TYW5: variants seen among roughly 807,000 people sequenced by gnomAD.
The protein encoded by TYW5 is tRNA-yW synthesizing protein 5, also known as tRNA wybutosine-synthesizing protein 5.
Under a neutral mutation model 44.4 loss-of-function variants are expected in TYW5, and 36 were observed. The observed-to-expected ratio is 0.81, with a 90% confidence interval of 0.62 to 1.07. The LOEUF (loss-of-function observed/expected upper bound fraction) is 1.07. TYW5 is among the 50% of genes least tolerant of loss of function. TYW5 has a pLI of 0.00. For synonymous variants in TYW5, 121 were observed against 128.1 expected, an observed-to-expected ratio of 0.94 and a Z score of 0.37; for missense variants, 354 against 365.7, an observed-to-expected ratio of 0.97 and a Z score of 0.26.
chr2:199,953,237 C>G (rs1037642498), intron 1 of TYW5, among the ~76,000 whole-genome samples: 1 of 151,996 alleles, frequency 6.6e-6, no homozygotes, highest in African/African-American at 2.4e-5. Flanking sequence ...GCAGGAGAAT[C>G]GCTTGAACCC....
chr2:199,951,754 C>G (rs561964222), intron 1 of TYW5, among the ~76,000 whole-genome samples: 1 of 151,962 alleles, frequency 6.6e-6, no homozygotes. Context: ...CAGTGGCTCA[C>G]GCTTGTAATC....
rs2077589668 is a variant in TYW5 at position 199,955,404 on chromosome 2, G to A, written c.67C>T (p.Leu23Phe). The change falls in exon 1 of 8, where the codon CTC (leucine) becomes TTC (phenylalanine). Residue 23 changes from leucine to phenylalanine, a missense_variant. Transcript: ENST00000354611. ...GVSREQFMQH[L>F]YPQRKPLVLE... Reference sequence around the variant, plus strand: ...CGCGAGGGCCTCACCTGTGGGTAGAGGTGCTGCATGAACTGCTCCCGAGAA... The same window carrying A: ...CGCGAGGGCCTCACCTGTGGGTAGAAGTGCTGCATGAACTGCTCCCGAGAA... 2.5e-6 allele frequency: 4 copies of A among 1,613,726 alleles called. No individual in the cohort carries two copies. Among genetic ancestry groups the A allele is most frequent in the Non-Finnish European group, 3.4e-6 (4 of 1,179,916 alleles).
chr2:199,936,802 A>G (rs757969179), intron 5 of TYW5, among the ~76,000 whole-genome samples: 2 of 152,224 alleles, frequency 1.3e-5, no homozygotes, highest in Non-Finnish European at 2.9e-5. Flanking sequence ...CCCTTGGTTA[A>G]TATTTACTAT....
At chr2:199,954,108 C>CTT (rs71019097) in intron 1 of TYW5, among the ~76,000 whole-genome samples, 1 of 148,210 alleles carries the variant, frequency 6.7e-6, no homozygotes, top group East Asian at 2.0e-4. Flanking sequence ...CCAACCCCGC[C>CTT]TTTTTTTTTT....
chr2:199,934,616 T>C (rs1350819359), intron 7 of TYW5, among the ~76,000 whole-genome samples: 1 of 152,064 alleles, frequency 6.6e-6, no homozygotes, highest in East Asian at 1.9e-4. Flanking sequence ...GAATTTATAA[T>C]CTAGTCCCAA....
intron 4 of TYW5, among the ~76,000 whole-genome samples, 186 bp downstream of exon 4, chr2:199,939,903 G>C (rs947569578): frequency 6.6e-6 from 1 of 152,098 alleles, no homozygotes; most frequent in African/African-American, 2.4e-5. Context: ...AGGCCTACCT[G>C]AATACAAAGT....
At chr2:199,948,543 C>A in intron 1 of TYW5, 71 bp from the exon 2 acceptor site, 1 of 1,510,628 alleles carries the variant, frequency 6.6e-7, no homozygotes, top group Non-Finnish European at 9.1e-7. Context: ...TATTTGGCAA[C>A]AGGGAGACAA....
Position 199,933,061 on chromosome 2 carries a change from C to T in TYW5, c.*6G>A, listed in dbSNP as rs1400504546. 6.2e-7 allele frequency: 1 copy of T among 1,612,960 alleles called. No individual in the cohort carries two copies. The highest frequency in any genetic ancestry group is 8.5e-7 in the Non-Finnish European group (1 of 1,179,626). ...GTGTTAATGTGCATTGCATTCACTT[C>T]ATTATTTACTCAGAGTTCTTGCTGT... On this transcript the variant is annotated 3_prime_UTR_variant, in exon 8 of 8. Coordinates refer to ENST00000354611, the MANE Select transcript of TYW5 (RefSeq NM_001039693.3).
chr2:199,937,478 C>T (rs1425985911), intron 5 of TYW5, among the ~76,000 whole-genome samples: 7 of 150,762 alleles, frequency 4.6e-5, no homozygotes, highest in East Asian at 1.9e-4. Context: ...GCCTGGCCAA[C>T]GTCGCAAAAC....
In TYW5 at chr2:199,954,920, A is replaced by T. The variant is rs894270762; in HGVS notation, c.78+473T>A. ...CTTTTTGTTTCCCTAATATTTCTCT[A>T]TGAGTTTTCTTTTAAAGACCTAAGG... On this transcript the variant is annotated intron_variant, in intron 1 of 7. Coordinates refer to ENST00000354611, the MANE Select transcript of TYW5 (RefSeq NM_001039693.3). Among the ~76,000 whole-genome samples, 77 of 152,134 alleles carry T rather than the reference A, an allele frequency of 5.1e-4. 1 individual carries two copies. Among genetic ancestry groups the T allele is most frequent in the Admixed American group, 5.0e-3 (77 of 15,268 alleles).
At chr2:199,949,130 G>A (rs927150889) in intron 1 of TYW5, among the ~76,000 whole-genome samples, 1 of 151,994 alleles carries the variant, frequency 6.6e-6, no homozygotes, top group Non-Finnish European at 1.5e-5. Flanking sequence ...GGCCAAGGGT[G>A]GATCACTTGA....
chr2:199,936,142 T>C, intron 6 of TYW5, 95 bp from the exon 7 acceptor site: 1 of 834,712 alleles, frequency 1.2e-6, no homozygotes, highest in South Asian at 1.6e-5. Flanking sequence ...TATTCTTTTC[T>C]ATCCAGTTAC....
At chr2:199,951,801 A>G (rs1409781106) in intron 1 of TYW5, among the ~76,000 whole-genome samples, 1 of 152,022 alleles carries the variant, frequency 6.6e-6, no homozygotes, top group African/African-American at 2.4e-5. Flanking sequence ...CGGATCACAA[A>G]GTCAGGAGAT....
chr2:199,929,480 T>A lies in TYW5; in HGVS notation c.*3587A>T, dbSNP rs2077356905. ...TGTTAGTTCCTCCTGACTACATCTA[T>A]TTTTTAGCACTGGGGAAAGGAGTCA... is the stretch of plus-strand genomic sequence containing the variant. On this transcript the variant is annotated 3_prime_UTR_variant, in exon 8 of 8. Coordinates refer to ENST00000354611, the MANE Select transcript of TYW5 (RefSeq NM_001039693.3). Among the ~76,000 whole-genome samples the A allele has an allele frequency of 1.3e-5, 2 of 151,810 alleles. No homozygotes were observed. The highest frequency in any genetic ancestry group is 6.6e-5 in the Admixed American group (1 of 15,250).
At chr2:199,934,739 TTTG>T (rs1448150760) in intron 7 of TYW5, among the ~76,000 whole-genome samples, 98 of 152,212 alleles carry the variant, frequency 6.4e-4, no homozygotes, top group African/African-American at 2.0e-3. Flanking sequence ...ATAAATAGAA[TTTG>T]TTAATATATC....
At chr2:199,936,177 T>C (rs2077419234) in intron 6 of TYW5, 130 bp from the exon 7 acceptor site, 1 of 698,020 alleles carries the variant, frequency 1.4e-6, no homozygotes. Flanking sequence ...CTGTGAGAAT[T>C]ACTATGCTAC....
chr2:199,945,131 G>C (rs2077494485), intron 2 of TYW5: 1 of 152,114 alleles, frequency 6.6e-6, no homozygotes, highest in African/African-American at 2.4e-5. Context: ...TAAGTTCATG[G>C]GGTGTTTCAA....
chr2:199,953,658 ATTATGGAG>A (rs1466107187), intron 1 of TYW5, among the ~76,000 whole-genome samples: 3 of 152,210 alleles, frequency 2.0e-5, no homozygotes, highest in Admixed American at 2.0e-4. Flanking sequence ...TACAGTGTTA[ATTATGGAG>A]TTATTAGAAA....
chr2:199,951,891 C>A (rs1340171969), intron 1 of TYW5, among the ~76,000 whole-genome samples: 2 of 151,964 alleles, frequency 1.3e-5, no homozygotes, highest in Non-Finnish European at 1.5e-5. Context: ...GTGGCGGGCA[C>A]CTGTAGTCCC....
Sources: gnomAD v4.1 joint callset for allele counts (sites outside exome capture counted in the v4.1 genomes callset) on GRCh38, gnomAD v4.1.1 for gene constraint, MANE v1.5 for transcripts, NCBI Gene and HGNC (gene_info 2026-07-23, HGNC 2026-07-21) for gene names.